DYM: variants seen among roughly 807,000 people sequenced by gnomAD.
DYM encodes dyggve-Melchior-Clausen syndrome protein.
Under a neutral mutation model 93.1 loss-of-function variants are expected in DYM, and 78 were observed. That is an observed-to-expected ratio of 0.84 (90% CI 0.70 to 1.01). DYM has a LOEUF of 1.01. Among genes scored for constraint, DYM ranks in the 50% least tolerant of loss-of-function variants. The probability of loss-of-function intolerance (pLI) is 0.00; values close to 1 mark genes in which losing one functional copy is unlikely to be tolerated. For synonymous variants in DYM, 321 were observed against 319.7 expected (o/e 1.00, Z -0.04); for missense variants, 789 against 845.0 (o/e 0.93, Z 0.82).
intron 8 of DYM, among the ~76,000 whole-genome samples, chr18:49,301,543 T>C (rs1282262076): frequency 7.0e-6 from 1 of 142,560 alleles, no homozygotes; most frequent in Middle Eastern, 3.6e-3. Context: ...AAAAAAAAGG[T>C]TCCCAAGACA....
At chr18:49,389,088 T>C (rs2068927994) in intron 3 of DYM, among the ~76,000 whole-genome samples, 1 of 152,148 alleles carries the variant, frequency 6.6e-6, no homozygotes, top group African/African-American at 2.4e-5. Context: ...GTAAACAAAA[T>C]ATAAATAATA....
At chr18:49,149,714 T>G (rs947202223) in intron 15 of DYM, among the ~76,000 whole-genome samples, 4 of 143,300 alleles carry the variant, frequency 2.8e-5, no homozygotes, top group South Asian at 2.3e-4. Flanking sequence ...TTTTTTTTTT[T>G]TTTTTTTTTT....
At chr18:49,284,952 C>T (rs1037080947) in intron 9 of DYM, among the ~76,000 whole-genome samples, 1 of 152,178 alleles carries the variant, frequency 6.6e-6, no homozygotes, top group Admixed American at 6.5e-5. Flanking sequence ...GGGCCCATCT[C>T]TCATCAATAG....
At chr18:49,066,017 C>A (rs2076358094) in intron 17 of DYM, among the ~76,000 whole-genome samples, 1 of 152,080 alleles carries the variant, frequency 6.6e-6, no homozygotes, top group South Asian at 2.1e-4. Context: ...CCGCTCCTCC[C>A]CACTTTATAA....
intron 17 of DYM, among the ~76,000 whole-genome samples, chr18:49,059,665 T>C (rs1272852114): frequency 5.3e-5 from 8 of 152,038 alleles, no homozygotes; most frequent in Admixed American, 5.2e-4. Flanking sequence ...TGTGGTGGTA[T>C]GAGGGAGGGG....
intron 15 of DYM, among the ~76,000 whole-genome samples, chr18:49,161,325 T>G (rs2087096162): frequency 6.6e-6 from 1 of 152,206 alleles, no homozygotes; most frequent in African/African-American, 2.4e-5. Context: ...TACCAGTAAA[T>G]ATGACCTATT....
intron 17 of DYM, among the ~76,000 whole-genome samples, chr18:49,092,835 G>C (rs1447542062): frequency 6.6e-6 from 1 of 152,152 alleles, no homozygotes; most frequent in Non-Finnish European, 1.5e-5. Context: ...AAAGCTTAGC[G>C]GTAAGAGACC....
intron 3 of DYM, among the ~76,000 whole-genome samples, chr18:49,387,598 T>C (rs918507678): frequency 6.6e-6 from 1 of 152,178 alleles, no homozygotes; most frequent in Non-Finnish European, 1.5e-5. Flanking sequence ...TGTCATGTTG[T>C]CACCAGCAAG....
chr18:49,448,910 C>T (rs1468213797), intron 1 of DYM, among the ~76,000 whole-genome samples: 1 of 152,164 alleles, frequency 6.6e-6, no homozygotes, highest in African/African-American at 2.4e-5. Context: ...ATTGAGCAGG[C>T]CCAAAGAGAA....
At chr18:49,286,819 G>T (rs2059696375) in intron 8 of DYM, among the ~76,000 whole-genome samples, 1 of 152,128 alleles carries the variant, frequency 6.6e-6, no homozygotes, top group Non-Finnish European at 1.5e-5. Flanking sequence ...CAACAAAATA[G>T]AGAAATAGAG....
intron 17 of DYM, chr18:49,048,065 T>G (rs1439954230): frequency 1.3e-5 from 2 of 152,264 alleles, no homozygotes; most frequent in Non-Finnish European, 1.5e-5. Context: ...CAAAGTTAGT[T>G]TGAAAAGTGA....
chr18:49,211,520 T>G (rs2092785030), intron 13 of DYM, among the ~76,000 whole-genome samples: 1 of 152,198 alleles, frequency 6.6e-6, no homozygotes, highest in Admixed American at 6.5e-5. Context: ...ATAGGTAATT[T>G]TTAAAGTATG....
intron 17 of DYM, among the ~76,000 whole-genome samples, chr18:49,069,171 CG>C (rs748481075): frequency 2.3e-4 from 35 of 152,158 alleles, no homozygotes; most frequent in Non-Finnish European, 3.7e-4. Context: ...GAGATACTAA[CG>C]TGTTCATGGA....
At chr18:49,403,225 T>C (rs1027241502) in intron 2 of DYM, among the ~76,000 whole-genome samples, 1 of 152,210 alleles carries the variant, frequency 6.6e-6, no homozygotes, top group Non-Finnish European at 1.5e-5. Context: ...TTTAGTAATT[T>C]TGAAGTGGTT....
chr18:49,065,079 C>T (rs189123926), intron 17 of DYM, among the ~76,000 whole-genome samples: 1 of 152,130 alleles, frequency 6.6e-6, no homozygotes, highest in Non-Finnish European at 1.5e-5. Context: ...TGTTTAGCCA[C>T]TTCATTAGTA....
chr18:49,195,914 A>ATTT (rs2091393949), intron 14 of DYM, among the ~76,000 whole-genome samples: 1 of 97,744 alleles, frequency 1.0e-5, no homozygotes, highest in African/African-American at 5.3e-5. Context: ...GAATGCTACC[A>ATTT]TCTTTTTTTT....
chr18:49,156,832 G>A (rs989631520), intron 15 of DYM, among the ~76,000 whole-genome samples: 3 of 152,014 alleles, frequency 2.0e-5, no homozygotes, highest in African/African-American at 7.2e-5. Context: ...ATGCAAGGGA[G>A]CTGGAAAATG....
intron 1 of DYM, among the ~76,000 whole-genome samples, chr18:49,454,626 G>GC (rs2082816026): frequency 6.6e-6 from 1 of 152,122 alleles, no homozygotes; most frequent in Non-Finnish European, 1.5e-5. Flanking sequence ...CAGGCCGGGT[G>GC]CGGTGGCTCA....
chr18:49,198,354 T>C (rs1328847404), intron 14 of DYM, among the ~76,000 whole-genome samples: 1 of 151,910 alleles, frequency 6.6e-6, no homozygotes, highest in Non-Finnish European at 1.5e-5. Flanking sequence ...CCAAAAACAA[T>C]GGCAACAAAA....
Sources: gnomAD v4.1 joint callset for allele counts (sites outside exome capture counted in the v4.1 genomes callset) on GRCh38, gnomAD v4.1.1 for gene constraint, MANE v1.5 for transcripts, NCBI Gene and HGNC (gene_info 2026-07-23, HGNC 2026-07-21) for gene names.